Variants in XKR4 observed in about 807,000 individuals in gnomAD.
XKR4 encodes the protein XK related 4, also known as XK-related protein 4.
Under a neutral mutation model 53.9 loss-of-function variants are expected in XKR4, and 12 were observed. That is an observed-to-expected ratio of 0.22 (90% CI 0.14 to 0.36). The LOEUF is 0.36. Among genes scored for constraint, XKR4 ranks in the 10% least tolerant of loss-of-function variants. The pLI is 1.00. For synonymous variants in XKR4, 354 were observed against 362.4 expected (o/e 0.98, Z 0.26); for missense variants, 799 against 859.5 (o/e 0.93, Z 0.88).
intron 1 of XKR4, among the ~76,000 whole-genome samples, chr8:55,197,769 T>G (rs1479605638): frequency 6.6e-6 from 1 of 152,110 alleles, no homozygotes; most frequent in Admixed American, 6.5e-5. Flanking sequence ...GGTCTTGATC[T>G]CCTGACCTCG....
intron 1 of XKR4, among the ~76,000 whole-genome samples, chr8:55,302,421 A>G (rs1819215526): frequency 6.6e-6 from 1 of 152,286 alleles, no homozygotes; most frequent in African/African-American, 2.4e-5. Flanking sequence ...GTTTGAAGTC[A>G]GGTAGCATGA....
At chr8:55,110,357 A>G (rs1340964727) in intron 1 of XKR4, among the ~76,000 whole-genome samples, 3 of 152,204 alleles carry the variant, frequency 2.0e-5, no homozygotes, top group Non-Finnish European at 2.9e-5. Context: ...AAGGAAGACC[A>G]TGGCAAGTTC....
At position 55,356,962 on chromosome 8, in the gene XKR4, AT is replaced by A. The variant is rs547205924; in HGVS notation, c.807-712del. Among the ~76,000 whole-genome samples the A allele has an allele frequency of 2.2e-3, 338 of 152,254 alleles. 1 individual carries two copies. Among genetic ancestry groups the A allele is most frequent in the Middle Eastern group, 3.4e-3 (1 of 294 alleles). ...ATTTTCTTTTCCTTATGATTTTAAT[AT>A]TTTCTTTTCTCTTTATTATAGGAAT... On this transcript the variant is annotated intron_variant, in intron 1 of 2. Coordinates refer to ENST00000327381, the MANE Select transcript of XKR4 (RefSeq NM_052898.2).
At chr8:55,421,546 T>C (rs1804932433) in intron 2 of XKR4, among the ~76,000 whole-genome samples, 1 of 152,192 alleles carries the variant, frequency 6.6e-6, no homozygotes, top group Non-Finnish European at 1.5e-5. Context: ...TCTCTCTCTC[T>C]GTCTTTCCAG....
Position 55,102,860 on chromosome 8 carries a change from G to C in XKR4, c.372G>C (p.Ala124=), listed in dbSNP as rs753460801. The C allele has an allele frequency of 6.2e-7, 1 of 1,611,942 alleles. No individual in the cohort carries two copies. Among genetic ancestry groups the C allele is most frequent in the South Asian group, 1.1e-5 (1 of 91,084 alleles). ...TGGCCGCCGTGGCCGTGTACTTCGC[G>C]GACGTGGGCACAGACGTCTGGCTCG... is the stretch of plus-strand genomic sequence containing the variant. ...WILAAVAVYF[A]DVGTDVWLAV... Residue 124 remains alanine, a synonymous_variant, in exon 1 of 3, where the codon GCG becomes GCC. Coordinates refer to ENST00000327381, the MANE Select transcript of XKR4 (RefSeq NM_052898.2). This position sits in a 1 kb window ranked among gnomAD's most constrained non-coding sequence, Gnocchi z 5.1.
chr8:55,205,784 T>G (rs1194479895), intron 1 of XKR4, among the ~76,000 whole-genome samples: 1 of 152,240 alleles, frequency 6.6e-6, no homozygotes, highest in Admixed American at 6.5e-5. Context: ...ATGGTCTTAC[T>G]GTGTCCGGAA....
In XKR4 at chr8:55,321,845, TG is replaced by T. The variant is rs563473648; in HGVS notation, c.807-35830del. ...CTCTACTAAAAATACAAAAGTTAGC[TG>T]GGCGTGGTGGCACGCGCCTGTAGTC... On this transcript the variant is annotated intron_variant, in intron 1 of 2. Coordinates refer to ENST00000327381, the MANE Select transcript of XKR4 (RefSeq NM_052898.2). Among the ~76,000 whole-genome samples the T allele has an allele frequency of 5.3e-4, 81 of 152,028 alleles. 1 individual carries two copies. In the South Asian group the frequency reaches 0.016, roughly 31 times the overall value.
chr8:55,538,099 A>C lies in XKR4; in HGVS notation c.*13872A>C, dbSNP rs1807055629. ...CTTAAATATGTTATTCTACAAAACAATATCCTTTTACACTATGGGATGGAT... is the reference window on the plus strand; with the variant it reads ...CTTAAATATGTTATTCTACAAAACACTATCCTTTTACACTATGGGATGGAT... On this transcript the variant is annotated 3_prime_UTR_variant, in exon 3 of 3. Coordinates refer to ENST00000327381, the MANE Select transcript of XKR4 (RefSeq NM_052898.2). 1.3e-5 allele frequency: 2 copies of C among 152,214 alleles called. No individual in the cohort carries two copies. The highest frequency in any genetic ancestry group is 4.8e-5 in the African/African-American group (2 of 41,452). The allele number at this position is 152,214 out of a possible 1,614,324, so 9.4% of individuals were successfully genotyped here. A position where few individuals can be genotyped will look rare whatever the true frequency, so the allele number is the denominator to read the frequency against.
intron 2 of XKR4, among the ~76,000 whole-genome samples, chr8:55,383,789 A>G (rs1338552530): frequency 6.6e-6 from 1 of 152,116 alleles, no homozygotes; most frequent in African/African-American, 2.4e-5. Context: ...TGTCACTTAT[A>G]AGGAAACAGA....
Position 55,416,715 on chromosome 8 carries a change from G to A in XKR4, c.1006+58838G>A, listed in dbSNP as rs73591639. ...CAGTCAGCTCATTTCCATCAATGGC[G>A]TTTAGCTATATTGTATCTAGCCAAA... On this transcript the variant is annotated intron_variant, in intron 2 of 2. Transcript: ENST00000327381. Among the ~76,000 whole-genome samples the A allele has an allele frequency of 6.0e-3, 916 of 152,284 alleles. 9 individuals carry two copies. The highest frequency in any genetic ancestry group is 0.02 in the Middle Eastern group (6 of 294).
rs533607534 is a variant in XKR4, at chr8:55,457,146, C to CTTTTCTTTT, written c.1007-66131_1007-66130insCTTTTTTTT. Among the ~76,000 whole-genome samples the CTTTTCTTTT allele has an allele frequency of 4.4e-5, 6 of 137,262 alleles. 1 individual carries two copies. Among genetic ancestry groups the CTTTTCTTTT allele is most frequent in the Non-Finnish European group, 7.8e-5 (5 of 63,778 alleles). 90.0% of individuals were successfully genotyped at this position (137,262 alleles called of 152,430 possible). ...CAAGTGCTGAATTTTTTTTCCTTTTCTTTTTTTTTTTTTTGAGACTGAGTC... is the reference window on the plus strand; with the variant it reads ...CAAGTGCTGAATTTTTTTTCCTTTTCTTTTCTTTTTTTTTTTTTTTTTTGAGACTGAGTC... On this transcript the variant is annotated intron_variant, in intron 2 of 2. Transcript: ENST00000327381.
chr8:55,214,626 C>G (rs1178322669), intron 1 of XKR4, among the ~76,000 whole-genome samples: 1 of 152,162 alleles, frequency 6.6e-6, no homozygotes, highest in Admixed American at 6.5e-5. Flanking sequence ...GCCCCTCAAT[C>G]TCATTGAAAT....
chr8:55,434,288 T>C (rs989958291), intron 2 of XKR4, among the ~76,000 whole-genome samples: 2 of 152,202 alleles, frequency 1.3e-5, no homozygotes, highest in Non-Finnish European at 2.9e-5. Flanking sequence ...TAGTTTAACC[T>C]TATTCGTAGA....
intron 1 of XKR4, among the ~76,000 whole-genome samples, chr8:55,288,304 T>A (rs1029038088): frequency 6.6e-6 from 1 of 152,212 alleles, no homozygotes; most frequent in East Asian, 1.9e-4. Flanking sequence ...CAATGCCTAG[T>A]GACTTAATTT....
chr8:55,451,768 AG>A (rs1463645682), intron 2 of XKR4: 3 of 1,077,974 alleles, frequency 2.8e-6, no homozygotes, highest in Non-Finnish European at 2.8e-6. Flanking sequence ...GCGGCTGCTC[AG>A]GGGGCCCAGG....
At chr8:55,418,384 A>G (rs759595069) in intron 2 of XKR4, among the ~76,000 whole-genome samples, 4 of 151,964 alleles carry the variant, frequency 2.6e-5, no homozygotes. Context: ...TCAGGCTAAA[A>G]CCCTTTCTGC....
At chr8:55,333,097 C>A (rs929376731) in intron 1 of XKR4, among the ~76,000 whole-genome samples, 1 of 151,968 alleles carries the variant, frequency 6.6e-6, no homozygotes, top group African/African-American at 2.4e-5. Flanking sequence ...TCTTGATATT[C>A]TAATTTTGTT....
chr8:55,459,873 A>T (rs181717570), intron 2 of XKR4, among the ~76,000 whole-genome samples: 3 of 152,296 alleles, frequency 2.0e-5, no homozygotes, highest in Admixed American at 6.5e-5. Flanking sequence ...GGGGTTTTTT[A>T]AAGTTAAATA....
At chr8:55,216,769 T>C (rs1013925980) in intron 1 of XKR4, among the ~76,000 whole-genome samples, 1 of 147,826 alleles carries the variant, frequency 6.8e-6, no homozygotes, top group Non-Finnish European at 1.5e-5. Context: ...CGTTGATGAG[T>C]TCAACAGCAT....
Sources: gnomAD v4.1 joint callset for allele counts (sites outside exome capture counted in the v4.1 genomes callset) on GRCh38, gnomAD v4.1.1 for gene constraint, Gnocchi (gnomAD v3.1) non-coding constraint, MANE v1.5 for transcripts, NCBI Gene and HGNC (gene_info 2026-07-23, HGNC 2026-07-21) for gene names.